The following FAM81A variants were observed in gnomAD, a reference collection of about 807,000 sequenced individuals.
FAM81A encodes protein FAM81A.
A neutral mutation model predicts 46.7 loss-of-function variants in FAM81A; 19 were observed. That is an observed-to-expected ratio of 0.41 (90% confidence interval 0.28 to 0.60). The LOEUF is 0.60. FAM81A is among the 20% of genes least tolerant of loss of function. The pLI is 0.34. For missense variants in FAM81A, 377 were observed against 453.5 expected (o/e 0.83, Z 1.53); for synonymous variants, 183 against 152.9 (o/e 1.20, Z -1.45).
rs754106330 is a variant in FAM81A, at chr15:59,459,993, A to G, written c.81A>G (p.Val27=). 6.0e-5 allele frequency: 96 copies of G among 1,612,992 alleles called. No homozygotes were observed. The highest frequency in any genetic ancestry group is 8.9e-5 in the East Asian group (4 of 44,860). ...QSLTMAPYSS[V]SLVEQLEDRI... Reference sequence around the variant, plus strand: ...TGACCATGGCACCATACTCATCTGTAAGCCTCGTGGAGCAGCTGGAAGACA... The same window carrying G: ...TGACCATGGCACCATACTCATCTGTGAGCCTCGTGGAGCAGCTGGAAGACA... Residue 27 remains valine (V), a synonymous_variant, in exon 3 of 9, where the codon GTA becomes GTG. Coordinates refer to ENST00000288228, the MANE Select transcript of FAM81A (RefSeq NM_152450.3).
chr15:59,459,749 A>G (rs1302090853), intron 2 of FAM81A, among the ~76,000 whole-genome samples, 184 bp from the exon 3 acceptor site: 1 of 152,196 alleles, frequency 6.6e-6, no homozygotes, highest in African/African-American at 2.4e-5. Flanking sequence ...GTCTGTGGGC[A>G]TGATTATTTA....
At chr15:59,456,029 T>C (rs1470280289) in intron 1 of FAM81A, among the ~76,000 whole-genome samples, 1 of 152,190 alleles carries the variant, frequency 6.6e-6, no homozygotes, top group African/African-American at 2.4e-5. Flanking sequence ...AAGGAGCGTG[T>C]CATTTAGTAG....
chr15:59,499,617 G>C (rs550502574), intron 4 of FAM81A, among the ~76,000 whole-genome samples: 3 of 152,038 alleles, frequency 2.0e-5, no homozygotes, highest in African/African-American at 7.2e-5. Context: ...CTCATTTTTT[G>C]TTTTTCTGGG....
chr15:59,489,656 T>C (rs2081961536), intron 3 of FAM81A, among the ~76,000 whole-genome samples: 1 of 152,170 alleles, frequency 6.6e-6, no homozygotes, highest in Non-Finnish European at 1.5e-5. Context: ...CTTGCAATTA[T>C]ACTACAGAGC....
chr15:59,441,795 C>T (rs750047901), intron 1 of FAM81A, among the ~76,000 whole-genome samples: 35 of 152,214 alleles, frequency 2.3e-4, no homozygotes, highest in Non-Finnish European at 4.4e-4. Context: ...TTCTTCCTGG[C>T]ATGTAGACAC....
chr15:59,457,878 ATAAAG>A (rs1391205436), intron 1 of FAM81A, among the ~76,000 whole-genome samples: 1 of 152,240 alleles, frequency 6.6e-6, no homozygotes, highest in African/African-American at 2.4e-5. Flanking sequence ...AACCTAAATA[ATAAAG>A]TATTTTAAAC....
At chr15:59,481,992 G>C (rs1282484017) in intron 3 of FAM81A, among the ~76,000 whole-genome samples, 2 of 151,662 alleles carry the variant, frequency 1.3e-5, no homozygotes, top group Non-Finnish European at 2.9e-5. Context: ...AGCATTTTTT[G>C]GTTCATAGCA....
chr15:59,400,116 G>T (rs1408309738), intron 1 of FAM81A, among the ~76,000 whole-genome samples: 3 of 152,122 alleles, frequency 2.0e-5, no homozygotes, highest in Non-Finnish European at 4.4e-5. Flanking sequence ...CAGGCCAGAG[G>T]TTCACTCAGA....
At chr15:59,436,806 A>T (rs1317475067), upstream of FAM81A, among the ~76,000 whole-genome samples, 4 of 91,652 alleles carry the variant, frequency 4.4e-5, no homozygotes, top group African/African-American at 1.7e-4. Flanking sequence ...AGATGCTGTT[A>T]TACCAGATCT....
At chr15:59,437,351 G>T (rs138603021), upstream of FAM81A, among the ~76,000 whole-genome samples, 1 of 151,894 alleles carries the variant, frequency 6.6e-6, no homozygotes, top group Non-Finnish European at 1.5e-5. Flanking sequence ...ATGAGGCAAA[G>T]GTCGTGTCCC....
intron 2 of FAM81A, chr15:59,406,999 T>G (rs190255383): frequency 8.7e-4 from 146 of 168,298 alleles, no homozygotes; most frequent in Admixed American, 2.0e-3. Flanking sequence ...AGCCTTGGCT[T>G]TTCCAGCTTG....
At chr15:59,495,796 C>T (rs1407542734) in intron 4 of FAM81A, among the ~76,000 whole-genome samples, 1 of 152,186 alleles carries the variant, frequency 6.6e-6, no homozygotes, top group African/African-American at 2.4e-5. Context: ...AATGTGCTTG[C>T]TCGTCATTGG....
At chr15:59,511,016 A>AG (rs1287924694) in intron 6 of FAM81A, among the ~76,000 whole-genome samples, 1 of 151,872 alleles carries the variant, frequency 6.6e-6, no homozygotes, top group Non-Finnish European at 1.5e-5. Flanking sequence ...AAATCACCTG[A>AG]ACCCAGGAGG....
At position 59,460,216 on chromosome 15, in the gene FAM81A, G is replaced by C. The variant is rs1343061824; in HGVS notation, c.294+10G>C. 6.2e-7 allele frequency: 1 copy of C among 1,614,020 alleles called. No homozygotes were observed. The highest frequency in any genetic ancestry group is 1.1e-5 in the South Asian group (1 of 91,076). ...TAATCGGGATATCGAGGTAAGGTTT[G>C]TGAAAGTCAGGTGGCCTATGTCCCT... On this transcript the variant is annotated intron_variant, in intron 3 of 8. Coordinates refer to ENST00000288228, the MANE Select transcript of FAM81A (RefSeq NM_152450.3). The surrounding 1 kb of genome is among the most constrained non-coding windows in gnomAD (Gnocchi z 4.4).
At chr15:59,492,496 C>G (rs2081992039) in intron 4 of FAM81A, 107 bp downstream of exon 4, 1 of 840,126 alleles carries the variant, frequency 1.2e-6, no homozygotes, top group Non-Finnish European at 1.9e-6. Flanking sequence ...GGCTTGCATT[C>G]CTTTAGTACA....
intron 3 of FAM81A, among the ~76,000 whole-genome samples, chr15:59,474,838 C>G (rs2081745364): frequency 6.6e-6 from 1 of 151,664 alleles, no homozygotes; most frequent in Non-Finnish European, 1.5e-5. Context: ...GGCAAAACTC[C>G]AAAAATATGC....
At chr15:59,485,414 A>G (rs761785959) in intron 3 of FAM81A, among the ~76,000 whole-genome samples, 2 of 152,216 alleles carry the variant, frequency 1.3e-5, no homozygotes, top group African/African-American at 2.4e-5. Context: ...CTCAGCACAA[A>G]GAAAGAAAGA....
intron 1 of FAM81A, among the ~76,000 whole-genome samples, chr15:59,442,996 A>C (rs1445048028): frequency 6.6e-6 from 1 of 152,236 alleles, no homozygotes; most frequent in Non-Finnish European, 1.5e-5. Context: ...ATTAAGAGCT[A>C]TTATCTAATC....
chr15:59,417,824 A>T (rs1290789627), intron 2 of FAM81A, among the ~76,000 whole-genome samples: 3 of 151,968 alleles, frequency 2.0e-5, no homozygotes, highest in Admixed American at 2.0e-4. Context: ...CACAACATGC[A>T]GGTTTGTTAC....
Sources: gnomAD v4.1 joint callset for allele counts (sites outside exome capture counted in the v4.1 genomes callset) on GRCh38, gnomAD v4.1.1 for gene constraint, Gnocchi (gnomAD v3.1) non-coding constraint, MANE v1.5 for transcripts, NCBI Gene and HGNC (gene_info 2026-07-23, HGNC 2026-07-21) for gene names.